Variants in ZNF143 observed in about 807,000 individuals in gnomAD.
ZNF143 encodes zinc finger protein 143, also known as SPH-binding factor.
ZNF143 carries 49 observed loss-of-function variants against 74.1 expected under a neutral mutation model. That is an observed-to-expected ratio of 0.66 (90% CI 0.53 to 0.84). The LOEUF (loss-of-function observed/expected upper bound fraction) is 0.84. Among genes scored for constraint, ZNF143 ranks in the 40% least tolerant of loss-of-function variants. The probability of loss-of-function intolerance (pLI) is 0.00; values close to 1 mark genes in which losing one functional copy is unlikely to be tolerated. For missense variants in ZNF143, 637 were observed against 793.4 expected (o/e 0.80, Z 2.37); for synonymous variants, 304 against 282.8 (o/e 1.07, Z -0.75).
chr11:9,524,939 T>G (rs1849071882), intron 14 of ZNF143, among the ~76,000 whole-genome samples: 1 of 152,208 alleles, frequency 6.6e-6, no homozygotes, highest in Non-Finnish European at 1.5e-5. Context: ...TCCCAAGCAG[T>G]CACTTAGGGG....
chr11:9,515,496 A>C (rs539887475), intron 13 of ZNF143, among the ~76,000 whole-genome samples: 203 of 151,704 alleles, frequency 1.3e-3, no homozygotes, highest in African/African-American at 4.3e-3. Context: ...AAAAACACAC[A>C]AAAAAAAATT....
chr11:9,462,761 G>T (rs1178256814), intron 1 of ZNF143, among the ~76,000 whole-genome samples: 1 of 152,052 alleles, frequency 6.6e-6, no homozygotes, highest in Admixed American at 6.6e-5. Flanking sequence ...TGTAATCCCA[G>T]TTACTCTGGA....
intron 5 of ZNF143, among the ~76,000 whole-genome samples, chr11:9,477,113 C>CCCTTCCTTCCTTCCTTCCTT (rs370473998): frequency 1.4e-4 from 10 of 70,500 alleles, no homozygotes; most frequent in East Asian, 3.7e-4. Flanking sequence ...AAGTCTGCAC[C>CCCTTCCTTCCTTCCTTCCTT]CCTTCCTTCC....
intron 14 of ZNF143, among the ~76,000 whole-genome samples, chr11:9,518,479 G>A (rs568951142): frequency 6.6e-6 from 1 of 152,298 alleles, no homozygotes; most frequent in Admixed American, 6.5e-5. Flanking sequence ...TTGGGAGGCC[G>A]AGGTGGGTGG....
intron 14 of ZNF143, among the ~76,000 whole-genome samples, chr11:9,520,467 G>C (rs889937399): frequency 1.3e-5 from 2 of 151,472 alleles, no homozygotes; most frequent in Non-Finnish European, 2.9e-5. Flanking sequence ...ACTACAGCCT[G>C]GATGACAGAG....
chr11:9,511,896 C>T (rs1185642212), intron 12 of ZNF143, among the ~76,000 whole-genome samples: 2 of 151,656 alleles, frequency 1.3e-5, no homozygotes, highest in African/African-American at 4.8e-5. Flanking sequence ...GGACTACAGG[C>T]GCCCGCCACC....
intron 12 of ZNF143, among the ~76,000 whole-genome samples, chr11:9,510,226 T>G (rs1451016585): frequency 6.6e-6 from 1 of 151,644 alleles, no homozygotes; most frequent in Non-Finnish European, 1.5e-5. Context: ...CCGGGTTCAT[T>G]CCATTCTCCT....
intron 7 of ZNF143, among the ~76,000 whole-genome samples, chr11:9,489,141 A>C (rs759198783): frequency 6.6e-6 from 1 of 152,114 alleles, no homozygotes; most frequent in Non-Finnish European, 1.5e-5. Context: ...TCCTTTTGTT[A>C]GTTGGGTGTT....
chr11:9,472,605 A>G (rs993507541), intron 2 of ZNF143, 72 bp from the exon 3 acceptor site: 4 of 1,357,440 alleles, frequency 2.9e-6, no homozygotes, highest in Middle Eastern at 1.9e-4. Context: ...TCTGATCTTT[A>G]TTTGAAAAAA....
chr11:9,464,662 C>G (rs1200524670), intron 1 of ZNF143, among the ~76,000 whole-genome samples: 1 of 152,014 alleles, frequency 6.6e-6, no homozygotes, highest in African/African-American at 2.4e-5. Context: ...ATGCTCACGC[C>G]TGTAATCCCA....
intron 4 of ZNF143, among the ~76,000 whole-genome samples, 158 bp from the exon 5 acceptor site, chr11:9,474,392 G>A (rs554986449): frequency 1.2e-4 from 19 of 152,124 alleles, no homozygotes; most frequent in African/African-American, 4.3e-4. Flanking sequence ...AAACACTGAC[G>A]CAGGGAAGCT....
At chr11:9,485,347 CTTTT>C (rs544497040) in intron 7 of ZNF143, among the ~76,000 whole-genome samples, 1 of 110,446 alleles carries the variant, frequency 9.1e-6, no homozygotes, top group Admixed American at 9.5e-5. Flanking sequence ...TTCTCTCTCT[CTTTT>C]TTTTTTTTTT....
intron 15 of ZNF143, 84 bp downstream of exon 15, chr11:9,525,470 C>G (rs1444297877): frequency 3.2e-6 from 5 of 1,549,322 alleles, no homozygotes; most frequent in Non-Finnish European, 4.5e-6. Context: ...CGTGTATAAC[C>G]TTTACAGGAG....
At chr11:9,476,798 C>CT (rs1245186398) in intron 5 of ZNF143, among the ~76,000 whole-genome samples, 3 of 107,106 alleles carry the variant, frequency 2.8e-5, no homozygotes, top group African/African-American at 1.1e-4. Context: ...CTCGCTCTCT[C>CT]TCCCAGTCTG....
intron 7 of ZNF143, among the ~76,000 whole-genome samples, chr11:9,481,599 A>G (rs1176458076): frequency 6.6e-6 from 1 of 152,014 alleles, no homozygotes; most frequent in African/African-American, 2.4e-5. Flanking sequence ...AAAGAAAAGC[A>G]GTTGTAGGCT....
chr11:9,514,214 A>C (rs1188661064), intron 13 of ZNF143, among the ~76,000 whole-genome samples: 1 of 152,122 alleles, frequency 6.6e-6, no homozygotes, highest in Non-Finnish European at 1.5e-5. Context: ...TCAGACCAGA[A>C]CCCACCCCTG....
At chr11:9,509,436 C>T (rs1487284045) in intron 12 of ZNF143, among the ~76,000 whole-genome samples, 1 of 151,962 alleles carries the variant, frequency 6.6e-6, no homozygotes, top group Non-Finnish European at 1.5e-5. Flanking sequence ...TTCAGTAAAC[C>T]CTTGGAAAAA....
At chr11:9,468,926 A>C (rs1002844322) in intron 1 of ZNF143, among the ~76,000 whole-genome samples, 1 of 151,860 alleles carries the variant, frequency 6.6e-6, no homozygotes, top group Non-Finnish European at 1.5e-5. Flanking sequence ...TTGAGGTCAG[A>C]AGTTCGAGAC....
chr11:9,490,827 G>T (rs1847745192), intron 7 of ZNF143, among the ~76,000 whole-genome samples: 1 of 152,094 alleles, frequency 6.6e-6, no homozygotes, highest in South Asian at 2.1e-4. Context: ...TGACCTCCCA[G>T]GCTCAGGTGA....
Sources: allele counts gnomAD v4.1 joint callset (sites outside exome capture counted in the v4.1 genomes callset), GRCh38; gene constraint gnomAD v4.1.1; transcripts MANE v1.5; gene names NCBI Gene and HGNC (gene_info 2026-07-23, HGNC 2026-07-21).